Variants in RGL1 observed in about 807,000 individuals in gnomAD.
The protein encoded by RGL1 is ral guanine nucleotide dissociation stimulator-like 1.
In RGL1, 24 loss-of-function variants were observed where a neutral mutation model predicts 95.2. That is an observed-to-expected ratio of 0.25 (90% CI 0.18 to 0.35). RGL1 has a LOEUF of 0.35. RGL1 is among the 10% of genes least tolerant of loss of function. RGL1 has a pLI of 1.00. For missense variants in RGL1, 715 were observed against 936.3 expected, an observed-to-expected ratio of 0.76 and a Z score of 3.08; for synonymous variants, 329 against 344.9, an observed-to-expected ratio of 0.95 and a Z score of 0.51.
At chr1:183,863,935 TGA>T (rs1451322971) in intron 3 of RGL1, among the ~76,000 whole-genome samples, 3 of 152,202 alleles carry the variant, frequency 2.0e-5, no homozygotes, top group Non-Finnish European at 2.9e-5. Flanking sequence ...GGTTAGTTAA[TGA>T]GAGAGAACTT....
At position 183,756,230 on chromosome 1, in the gene RGL1, C is replaced by A. The variant is rs545148678; in HGVS notation, c.132+13941C>A. On this transcript the variant is annotated intron_variant, in intron 2 of 18. Transcript: ENST00000304685. ...TCTTTGAGATGGAGTCTTGCTCTGT[C>A]GTCCAGGCTGGAGTGCAACTTTGAC... Among the ~76,000 whole-genome samples, 10 of 147,164 alleles carry A rather than the reference C, an allele frequency of 6.8e-5. No individual in the cohort carries two copies. In the East Asian group the frequency reaches 1.6e-3, roughly 24 times the overall value.
At chr1:183,804,735 TC>T (rs1661174138), upstream of RGL1, among the ~76,000 whole-genome samples, 1 of 152,216 alleles carries the variant, frequency 6.6e-6, no homozygotes, top group South Asian at 2.1e-4. Context: ...ATGAAAAACT[TC>T]CTGGCGTCTA....
intron 1 of RGL1, among the ~76,000 whole-genome samples, chr1:183,675,842 C>T (rs953763933): frequency 2.0e-5 from 3 of 152,046 alleles, no homozygotes; most frequent in African/African-American, 7.2e-5. Context: ...TGGTTATGAC[C>T]ATCATTAAAA....
chr1:183,869,512 C>T (rs577058650), intron 4 of RGL1, among the ~76,000 whole-genome samples: 8 of 152,138 alleles, frequency 5.3e-5, no homozygotes, highest in Non-Finnish European at 1.0e-4. Flanking sequence ...GAAAATATGC[C>T]ACTTTATCTT....
intron 3 of RGL1, among the ~76,000 whole-genome samples, chr1:183,851,270 G>T (rs1664809881): frequency 6.6e-6 from 1 of 152,158 alleles, no homozygotes; most frequent in South Asian, 2.1e-4. Context: ...GAATGGAATT[G>T]ACAAGTACTC....
intron 1 of RGL1, among the ~76,000 whole-genome samples, chr1:183,699,997 G>A (rs976969547): frequency 6.6e-6 from 1 of 152,142 alleles, no homozygotes; most frequent in African/African-American, 2.4e-5. Flanking sequence ...TTGCTGACTG[G>A]ACCATTGTAT....
intron 4 of RGL1, among the ~76,000 whole-genome samples, chr1:183,867,773 G>A (rs2102599019): frequency 1.3e-5 from 2 of 152,292 alleles, no homozygotes; most frequent in Middle Eastern, 6.8e-3. Flanking sequence ...CTGGGTGCCT[G>A]AAACCACTAG....
intron 6 of RGL1, among the ~76,000 whole-genome samples, chr1:183,884,167 C>G (rs987884800): frequency 1.3e-5 from 2 of 152,212 alleles, no homozygotes; most frequent in Non-Finnish European, 2.9e-5. Flanking sequence ...GAATTCGAAT[C>G]CCTGTGAAAC....
At chr1:183,913,377 G>A (rs1668777957) in intron 15 of RGL1, among the ~76,000 whole-genome samples, 1 of 151,808 alleles carries the variant, frequency 6.6e-6, no homozygotes, top group South Asian at 2.1e-4. Context: ...TGTATTTTTA[G>A]TAGAGATGGA....
At position 183,659,259 on chromosome 1, in the gene RGL1, G is replaced by A. The variant is rs377203285; in HGVS notation, c.-33+22758G>A. Among the ~76,000 whole-genome samples the A allele has an allele frequency of 1.6e-3, 242 of 152,054 alleles. 1 individual carries two copies. The highest frequency in any genetic ancestry group is 5.5e-3 in the African/African-American group (228 of 41,462). On this transcript the variant is annotated intron_variant, in intron 1 of 18. Coordinates refer to the RGL1 transcript ENST00000304685. ...AGGCTTCAGACGATCAAACTACTCC[G>A]AGCTACAGGAGGAAATTCAAACCAA... is the stretch of plus-strand genomic sequence containing the variant.
At chr1:183,677,829 A>G (rs1242276538) in intron 1 of RGL1, among the ~76,000 whole-genome samples, 1 of 152,168 alleles carries the variant, frequency 6.6e-6, no homozygotes, top group African/African-American at 2.4e-5. Context: ...GTTGTCACGT[A>G]GGTAGTGAGG....
At chr1:183,925,663 G>T (rs921887078) in intron 17 of RGL1, among the ~76,000 whole-genome samples, 2 of 152,116 alleles carry the variant, frequency 1.3e-5, no homozygotes, top group Non-Finnish European at 2.9e-5. Context: ...TAGATTTTCT[G>T]TTTTTTCTAT....
At chr1:183,728,019 G>A (rs1044472492) in intron 1 of RGL1, among the ~76,000 whole-genome samples, 1 of 152,136 alleles carries the variant, frequency 6.6e-6, no homozygotes, top group Non-Finnish European at 1.5e-5. Flanking sequence ...GCCTTCCCCA[G>A]TGTATATGGG....
chr1:183,770,760 C>T (rs1204975665), intron 2 of RGL1, among the ~76,000 whole-genome samples: 1 of 151,888 alleles, frequency 6.6e-6, no homozygotes, highest in East Asian at 1.9e-4. Flanking sequence ...AGTTTCAGTT[C>T]CTTGATACTT....
chr1:183,708,150 G>A (rs991634787), intron 1 of RGL1, among the ~76,000 whole-genome samples: 6 of 152,182 alleles, frequency 3.9e-5, no homozygotes, highest in East Asian at 1.9e-4. Flanking sequence ...CGCTTAGGGC[G>A]GATATCTTGC....
chr1:183,660,037 T>G (rs1217738331), intron 1 of RGL1, among the ~76,000 whole-genome samples: 4 of 152,052 alleles, frequency 2.6e-5, no homozygotes, highest in Admixed American at 6.6e-5. Context: ...AGGCCTGCCC[T>G]AAAAGAGCTC....
chr1:183,919,372 C>G (rs982043317), intron 16 of RGL1, among the ~76,000 whole-genome samples: 3 of 152,096 alleles, frequency 2.0e-5, no homozygotes, highest in Admixed American at 2.0e-4. Context: ...ACCACTGGAC[C>G]GATTTGTGCT....
At chr1:183,872,551 C>A (rs536626916) in intron 4 of RGL1, among the ~76,000 whole-genome samples, 1 of 152,206 alleles carries the variant, frequency 6.6e-6, no homozygotes, top group South Asian at 2.1e-4. Flanking sequence ...TCAGAAGATA[C>A]GTATATTGTT....
chr1:183,904,235 G>C (rs2102706295), intron 12 of RGL1, among the ~76,000 whole-genome samples: 1 of 152,200 alleles, frequency 6.6e-6, no homozygotes, highest in South Asian at 2.1e-4. Flanking sequence ...TTGCCTCTCT[G>C]TGAGTTTTAA....
Sources: allele counts gnomAD v4.1 joint callset (sites outside exome capture counted in the v4.1 genomes callset), GRCh38; gene constraint gnomAD v4.1.1; transcripts MANE v1.5; gene names NCBI Gene and HGNC (gene_info 2026-07-23, HGNC 2026-07-21).